The following HDAC7 variants were observed in gnomAD, a reference collection of about 807,000 sequenced individuals.
HDAC7 encodes histone deacetylase 7.
A neutral mutation model predicts 115.5 loss-of-function variants in HDAC7; 26 were observed. That is an observed-to-expected ratio of 0.23 (90% CI 0.16 to 0.31). The LOEUF (loss-of-function observed/expected upper bound fraction) is 0.31, where lower values mean the gene tolerates loss of function less well. Ranked by LOEUF, HDAC7 falls within the 10% of genes least tolerant of loss-of-function variation. HDAC7 has a pLI of 1.00. For missense variants in HDAC7, 1,068 were observed against 1,329.0 expected (o/e 0.80, Z 3.05); for synonymous variants, 564 against 550.9 (o/e 1.02, Z -0.33).
chr12:47,796,108 G>T (rs1358730748), intron 8 of HDAC7, 92 bp from the exon 9 acceptor site: 5 of 1,512,852 alleles, frequency 3.3e-6, no homozygotes, highest in Non-Finnish European at 4.5e-6. Flanking sequence ...GGCAGGGGCT[G>T]CCCAGACCCT....
chr12:47,788,404 T>G (rs1592634207), intron 19 of HDAC7: 3 of 348,062 alleles, frequency 8.6e-6, no homozygotes, highest in South Asian at 6.9e-5. Flanking sequence ...GGAGAGGAGG[T>G]GTCCCAATCT....
intron 18 of HDAC7, 29 bp downstream of exon 18, chr12:47,789,494 A>C: frequency 1.2e-6 from 2 of 1,612,398 alleles, no homozygotes; most frequent in Non-Finnish European, 1.7e-6. Context: ...CCCCCACCTC[A>C]TCCCACCCAG....
In HDAC7 at chr12:47,801,093, T is replaced by C. The variant is rs80159524; in HGVS notation, c.70+1131A>G. ...ATTCTACTTTTCCAAATCCTACTCTTTGCTCAAAGCTCAGCTGGAGTCCTC... is the reference window on the plus strand; with the variant it reads ...ATTCTACTTTTCCAAATCCTACTCTCTGCTCAAAGCTCAGCTGGAGTCCTC... On this transcript the variant is annotated intron_variant, in intron 2 of 25. Coordinates refer to ENST00000080059, the MANE Select transcript of HDAC7 (RefSeq NM_015401.5). Among the ~76,000 whole-genome samples the C allele has an allele frequency of 7.2e-4, 110 of 152,306 alleles. No homozygotes were observed. In the East Asian group the frequency reaches 9.5e-3, roughly 13 times the overall value.
intron 2 of HDAC7, among the ~76,000 whole-genome samples, chr12:47,800,912 A>G (rs1489841850): frequency 1.3e-5 from 2 of 152,204 alleles, no homozygotes; most frequent in Non-Finnish European, 2.9e-5. Context: ...AGGCTCCACA[A>G]TCTGGTCCTA....
At position 47,797,355 on chromosome 12, in the gene HDAC7, T is replaced by C. The variant is rs776801032; in HGVS notation, c.577+29A>G. The C allele has an allele frequency of 6.4e-7, 1 of 1,573,272 alleles. No individual in the cohort carries two copies. On this transcript the variant is annotated intron_variant, in intron 6 of 25. Transcript: ENST00000080059. This position sits in a 1 kb window ranked among gnomAD's most constrained non-coding sequence, Gnocchi z 5.5. ...CGAGGCCCTTCCCCCTTCCTTTGCCTGAAAGGTCCGCCTGTTTGTTCAGCT... is the reference window on the plus strand; with the variant it reads ...CGAGGCCCTTCCCCCTTCCTTTGCCCGAAAGGTCCGCCTGTTTGTTCAGCT...
chr12:47,795,223 G>A lies in HDAC7; in HGVS notation c.1245C>T (p.Pro415=). The A allele has an allele frequency of 6.2e-7, 1 of 1,613,156 alleles. No individual in the cohort carries two copies. Among genetic ancestry groups the A allele is most frequent in the South Asian group, 1.1e-5 (1 of 90,974 alleles). Residue 415 remains proline, a synonymous_variant, in exon 11 of 26, where the codon CCC becomes CCT. Coordinates refer to ENST00000080059, the MANE Select transcript of HDAC7 (RefSeq NM_015401.5). The surrounding 1 kb of genome is among the most constrained non-coding windows in gnomAD (Gnocchi z 4.3). The part of the protein sequence containing the change: ...TAPPPPGPMQ[P]RLEQLKTHVQ... ...CGTGAGTTTTGAGCTGCTCCAGGCG[G>A]GGCTGCATGGGGCCCGGCGGTGGGG...
Position 47,795,957 on chromosome 12 carries a change from C to T in HDAC7, c.855G>A (p.Pro285=), listed in dbSNP as rs1168946165. Residue 285 remains proline, a synonymous_variant, in exon 9 of 26, where the codon CCG becomes CCA. Coordinates refer to ENST00000080059, the MANE Select transcript of HDAC7 (RefSeq NM_015401.5). This position sits in a 1 kb window ranked among gnomAD's most constrained non-coding sequence, Gnocchi z 4.3. The stretch of plus-strand genomic sequence containing the variant: ...TGATTGCGGGCAGCAAGGACACTGT[C>T]GGCAAGGCGAACGGGGCCACAGAAG... ...QETSVAPFAL[P]TVSLLPAITL... is the part of the protein sequence containing the mutation. 3.2e-6 allele frequency: 5 copies of T among 1,550,422 alleles called. No homozygotes were observed. In the East Asian group the frequency reaches 7.3e-5, roughly 23 times the overall value.
upstream of HDAC7, among the ~76,000 whole-genome samples, chr12:47,820,252 A>G (rs1353744873): frequency 1.3e-5 from 2 of 152,170 alleles, no homozygotes; most frequent in African/African-American, 4.8e-5. This position sits in a 1 kb window ranked among gnomAD's most constrained non-coding sequence, Gnocchi z 4.3. Context: ...GCACCCTCGC[A>G]TACACAACGT....
rs373835633 is a variant in HDAC7, at chr12:47,791,313, G to T, written c.1934-5C>A. 1.9e-6 allele frequency: 3 copies of T among 1,586,868 alleles called. No individual in the cohort carries two copies. In the South Asian group the frequency reaches 3.5e-5, roughly 18 times the overall value. The stretch of plus-strand genomic sequence containing the variant: ...ACATCCGCTGTGCCAGGAGCCCTGC[G>T]GGGAGAGGCCCAGCCCACGTCAGCG... On this transcript the variant is annotated splice_polypyrimidine_tract_variant and splice_region_variant and intron_variant, in intron 15 of 25. Coordinates refer to ENST00000080059, the MANE Select transcript of HDAC7 (RefSeq NM_015401.5).
chr12:47,791,217 G>T (rs767807291), intron 16 of HDAC7, 42 bp downstream of exon 16: 183 of 1,544,202 alleles, frequency 1.2e-4, no homozygotes, highest in Non-Finnish European at 1.5e-4. Context: ...GGAGAGCTGA[G>T]AGCCCTGGCA....
In HDAC7 at chr12:47,787,749, G is replaced by T; in HGVS notation, c.2416C>A (p.Pro806Thr). ...AGGTACTCAGGATCCCCCATGGGGG[G>T]GTCCAGACCTCCAGCCCAGGCCACA... ...VNVAWAGGLD[P>T]PMGDPEYLAA... Residue 806 changes from proline (P) to threonine (T), a missense_variant, in exon 21 of 26, where the codon CCC becomes ACC. By Grantham distance (38) the Pro-to-Thr change is conservative. Around this residue, in one of 6 missense-constraint regions of HDAC7, gnomAD observed 182 missense variants for 301.1 expected, o/e 0.60. Transcript: ENST00000080059. The T allele has an allele frequency of 5.6e-6, 9 of 1,612,402 alleles. No homozygotes were observed. The highest frequency in any genetic ancestry group is 7.6e-6 in the Non-Finnish European group (9 of 1,179,482).
At chr12:47,784,880 C>G in intron 24 of HDAC7, 1 of 1,009,228 alleles carries the variant, frequency 9.9e-7, no homozygotes, top group Middle Eastern at 2.1e-4. Flanking sequence ...ATATGGGAAT[C>G]TATTTTACTC....
In HDAC7 at chr12:47,801,055, T is replaced by C. The variant is rs538263691; in HGVS notation, c.70+1169A>G. 2.7e-4 allele frequency among the ~76,000 whole-genome samples: 41 copies of C among 152,330 alleles called. 1 individual carries two copies. The highest frequency in any genetic ancestry group is 9.6e-4 in the African/African-American group (40 of 41,578). On this transcript the variant is annotated intron_variant, in intron 2 of 25. Transcript: ENST00000080059. ...TCACAATGTCCCCCTGCCTGTGCTG[T>C]CCTCATCCCTACATTCTACTTTTCC... is the stretch of plus-strand genomic sequence containing the variant.
chr12:47,785,191 C>CG (rs770205229), intron 24 of HDAC7, 196 bp downstream of exon 24: 29 of 580,930 alleles, frequency 5.0e-5, no homozygotes, highest in Non-Finnish European at 7.6e-5. Context: ...CTGGCTCCAT[C>CG]GGGGGGGCTC....
In HDAC7 at chr12:47,797,296, G is replaced by GCCCCCCCCCC; in HGVS notation, c.577+87_577+88insGGGGGGGGGG. The GCCCCCCCCCC allele has an allele frequency of 5.7e-6, 5 of 870,722 alleles. No individual in the cohort carries two copies. The highest frequency in any genetic ancestry group is 2.4e-5 in the Admixed American group (1 of 42,360). The allele number at this position is 870,722 out of a possible 1,614,324, so 53.9% of individuals were successfully genotyped here. A position where few individuals can be genotyped will look rare whatever the true frequency, so the allele number is the denominator to read the frequency against. On this transcript the variant is annotated intron_variant, in intron 6 of 25. Transcript: ENST00000080059. This position sits in a 1 kb window ranked among gnomAD's most constrained non-coding sequence, Gnocchi z 5.5. ...ACCGATGATCTCCTGGCCCAGCCCA[G>GCCCCCCCCCC]CCCGCCCACCCCTGCACACTCCTCC...
chr12:47,798,755 G>A lies in HDAC7; in HGVS notation c.258+30C>T, dbSNP rs1331061957. 11 of 1,554,854 alleles carry A rather than the reference G, an allele frequency of 7.1e-6. No individual in the cohort carries two copies. Among genetic ancestry groups the A allele is most frequent in the Non-Finnish European group, 9.6e-6 (11 of 1,148,366 alleles). Reference sequence around the variant, plus strand: ...GGAGGCTGGGGACCAAGCTCAAGGTGGCCCCACATGCAGGGAGCTCCATCT... The same window carrying A: ...GGAGGCTGGGGACCAAGCTCAAGGTAGCCCCACATGCAGGGAGCTCCATCT... On this transcript the variant is annotated intron_variant, in intron 3 of 25. Transcript: ENST00000080059. This position sits in a 1 kb window ranked among gnomAD's most constrained non-coding sequence, Gnocchi z 4.3.
chr12:47,799,195 G>GT, intron 2 of HDAC7: 1 of 487,246 alleles, frequency 2.1e-6, no homozygotes, highest in East Asian at 3.4e-5. Flanking sequence ...CAGTAACACT[G>GT]TATCACTGGT....
At position 47,782,889 on chromosome 12, in the gene HDAC7, C is replaced by T. The variant is rs1024082102; in HGVS notation, c.*952G>A. ...CGCCTCACTCACACACATGCTCACA[C>T]ACATTTTCCTTCTTGACCCCAGGCC... On this transcript the variant is annotated 3_prime_UTR_variant, in exon 26 of 26. Transcript: ENST00000080059. The T allele has an allele frequency of 1.3e-5, 2 of 153,360 alleles. No homozygotes were observed. The highest frequency in any genetic ancestry group is 4.8e-5 in the African/African-American group (2 of 41,434). The allele number at this position is 153,360 out of a possible 1,614,324, so 9.5% of individuals were successfully genotyped here.
chr12:47,797,001 C>G lies in HDAC7; in HGVS notation c.703+16G>C. 1 of 1,530,494 alleles carries G rather than the reference C, an allele frequency of 6.5e-7. No individual in the cohort carries two copies. The highest frequency in any genetic ancestry group is 8.7e-7 in the Non-Finnish European group (1 of 1,143,378). 94.8% of individuals were successfully genotyped at this position (1,530,494 alleles called of 1,614,324 possible). A position where few individuals can be genotyped will look rare whatever the true frequency, so the allele number is the denominator to read the frequency against. ...GGTTTGAGGATGGCAACCGCACTGG[C>G]TCAGCCGGCCCTCACCTCCGAGGGT... On this transcript the variant is annotated intron_variant, in intron 7 of 25. Transcript: ENST00000080059. This position sits in a 1 kb window ranked among gnomAD's most constrained non-coding sequence, Gnocchi z 5.5.
Sources: gnomAD v4.1 joint callset for allele counts (sites outside exome capture counted in the v4.1 genomes callset) on GRCh38, gnomAD v4.1.1 for gene constraint, gnomAD v4.1.1 regional missense constraint, Gnocchi (gnomAD v3.1) non-coding constraint, MANE v1.5 for transcripts, NCBI Gene and HGNC (gene_info 2026-07-23, HGNC 2026-07-21) for gene names.